Variants in MECOM observed in about 807,000 individuals in gnomAD.
MECOM encodes the protein MDS1 and EVI1 complex locus.
MECOM carries 13 observed loss-of-function variants against 116.3 expected under a neutral mutation model. The observed-to-expected ratio is 0.11, with a 90% confidence interval of 0.07 to 0.18. The LOEUF (loss-of-function observed/expected upper bound fraction) is 0.18, where lower values mean the gene tolerates loss of function less well. MECOM is among the 10% of genes least tolerant of loss of function. The probability of loss-of-function intolerance (pLI) is 1.00; values close to 1 mark genes in which losing one functional copy is unlikely to be tolerated. For synonymous variants in MECOM, 528 were observed against 535.2 expected (o/e 0.99, Z 0.19); for missense variants, 1,299 against 1,509.0 (o/e 0.86, Z 2.31).
intron 1 of MECOM, among the ~76,000 whole-genome samples, chr3:169,541,534 G>A (rs188689688): frequency 4.6e-5 from 7 of 152,298 alleles, no homozygotes; most frequent in Middle Eastern, 3.4e-3. Flanking sequence ...CCAACTCTGC[G>A]CATGGCTCGA....
In MECOM at chr3:169,153,082, A is replaced by G. The variant is rs150688299; in HGVS notation, c.376-9250T>C. On this transcript the variant is annotated intron_variant, in intron 2 of 16. Coordinates refer to ENST00000651503, the MANE Select transcript of MECOM (RefSeq NM_004991.4). ...TTTTGATGTGTTTCAGTCCTAAGCT[A>G]TGATGCTGAGTGGTTAATGCACAGC... 2.2e-4 allele frequency among the ~76,000 whole-genome samples: 34 copies of G among 152,328 alleles called. 1 individual carries two copies. The East Asian group carries it at 6.6e-3, about 29-fold the overall frequency.
chr3:169,415,514 A>C (rs1047403891), intron 1 of MECOM, among the ~76,000 whole-genome samples: 1 of 152,224 alleles, frequency 6.6e-6, no homozygotes, highest in Non-Finnish European at 1.5e-5. Flanking sequence ...TGATAGGATC[A>C]AATTCACACA....
chr3:169,625,830 T>C lies in MECOM; in HGVS notation c.37+37506A>G, dbSNP rs150146908. ...GAATCTCAAGACAATTGACCAGCAA[T>C]CAGAAATTATTCCCACATTAGGAGA... On this transcript the variant is annotated intron_variant, in intron 1 of 16. Transcript: ENST00000651503. Among the ~76,000 whole-genome samples, 1,319 of 152,284 alleles carry C rather than the reference T, an allele frequency of 8.7e-3. 9 individuals carry two copies. Among genetic ancestry groups the C allele is most frequent in the Middle Eastern group, 0.017 (5 of 294 alleles).
chr3:169,161,744 C>T (rs1742875346), intron 2 of MECOM, among the ~76,000 whole-genome samples: 1 of 152,096 alleles, frequency 6.6e-6, no homozygotes. Context: ...GAAAGGGATG[C>T]TATGTGAGTT....
At chr3:169,303,503 A>C (rs1371359454) in intron 2 of MECOM, among the ~76,000 whole-genome samples, 1 of 152,218 alleles carries the variant, frequency 6.6e-6, no homozygotes, top group Non-Finnish European at 1.5e-5. Flanking sequence ...CTTAAGCGGT[A>C]GTGTAAAGAT....
At chr3:169,574,470 G>A (rs1764259025) in intron 1 of MECOM, among the ~76,000 whole-genome samples, 1 of 152,150 alleles carries the variant, frequency 6.6e-6, no homozygotes, top group Admixed American at 6.6e-5. Flanking sequence ...CAAGGATTTG[G>A]GAAATTTAGC....
chr3:169,133,743 A>G (rs1403028338), intron 3 of MECOM, among the ~76,000 whole-genome samples: 1 of 152,150 alleles, frequency 6.6e-6, no homozygotes, highest in African/African-American at 2.4e-5. Context: ...AAGTACACTG[A>G]GAACAGTTCT....
chr3:169,228,436 T>C (rs907651249), intron 2 of MECOM, among the ~76,000 whole-genome samples: 2 of 152,210 alleles, frequency 1.3e-5, no homozygotes, highest in African/African-American at 4.8e-5. Context: ...ATGACCATGC[T>C]TTTATAAACT....
intron 2 of MECOM, among the ~76,000 whole-genome samples, chr3:169,315,602 A>C (rs1044505662): frequency 6.6e-6 from 1 of 152,174 alleles, no homozygotes; most frequent in Non-Finnish European, 1.5e-5. Flanking sequence ...ATGTAACAAG[A>C]ATAATAAATT....
intron 1 of MECOM, among the ~76,000 whole-genome samples, chr3:169,435,306 C>A (rs903869154): frequency 2.0e-5 from 3 of 152,166 alleles, no homozygotes; most frequent in Non-Finnish European, 2.9e-5. Flanking sequence ...ACAATATTTG[C>A]ATTGCCTGAA....
chr3:169,167,887 G>A (rs547630396), intron 2 of MECOM, among the ~76,000 whole-genome samples: 2 of 151,962 alleles, frequency 1.3e-5, no homozygotes, highest in Non-Finnish European at 1.5e-5. Flanking sequence ...TTGTCCTTTC[G>A]GGTTGCCTAT....
intron 1 of MECOM, among the ~76,000 whole-genome samples, chr3:169,427,926 AATT>A (rs1740988505): frequency 1.3e-5 from 2 of 152,216 alleles, no homozygotes; most frequent in Non-Finnish European, 2.9e-5. Context: ...TTAAAGTGAT[AATT>A]AAGTTAAAAT....
chr3:169,508,003 A>C (rs1755499995), intron 1 of MECOM, among the ~76,000 whole-genome samples: 1 of 152,174 alleles, frequency 6.6e-6, no homozygotes, highest in African/African-American at 2.4e-5. Flanking sequence ...ATACTTGTTT[A>C]GCCTCTTAAA....
At chr3:169,453,290 G>A (rs1382901473) in intron 1 of MECOM, among the ~76,000 whole-genome samples, 1 of 152,202 alleles carries the variant, frequency 6.6e-6, no homozygotes, top group Admixed American at 6.5e-5. Flanking sequence ...TGTGCAGGCT[G>A]ACAAATGGCC....
chr3:169,660,804 G>A (rs960036853), intron 1 of MECOM, among the ~76,000 whole-genome samples: 4 of 152,174 alleles, frequency 2.6e-5, no homozygotes, highest in Admixed American at 6.5e-5. Flanking sequence ...ACAAAAATCT[G>A]TAGTTTTAAT....
chr3:169,662,872 G>T (rs1005109963), intron 1 of MECOM, among the ~76,000 whole-genome samples: 26 of 151,498 alleles, frequency 1.7e-4, no homozygotes, highest in African/African-American at 5.1e-4. Context: ...TTCTCCTGCC[G>T]GCCCCCCATC....
intron 1 of MECOM, among the ~76,000 whole-genome samples, chr3:169,424,379 A>G (rs957125549): frequency 2.6e-5 from 4 of 152,164 alleles, no homozygotes; most frequent in Admixed American, 2.0e-4. Flanking sequence ...GGAAGCTTTC[A>G]AAGTTTTTCT....
intron 2 of MECOM, among the ~76,000 whole-genome samples, chr3:169,303,271 A>G (rs1398168203): frequency 6.6e-6 from 1 of 152,202 alleles, no homozygotes; most frequent in Non-Finnish European, 1.5e-5. Flanking sequence ...TCTCCATGTA[A>G]TGACACACAT....
chr3:169,570,095 T>C (rs1164992104), intron 1 of MECOM, among the ~76,000 whole-genome samples: 1 of 152,002 alleles, frequency 6.6e-6, no homozygotes, highest in East Asian at 1.9e-4. Context: ...CTAGCCAGAC[T>C]AATAAAGCAG....
Sources: allele counts gnomAD v4.1 joint callset (sites outside exome capture counted in the v4.1 genomes callset), GRCh38; gene constraint gnomAD v4.1.1; transcripts MANE v1.5; gene names NCBI Gene and HGNC (gene_info 2026-07-23, HGNC 2026-07-21).